The following SIM1 variants were observed in gnomAD, a reference collection of about 807,000 sequenced individuals.
The protein encoded by SIM1 is single-minded homolog 1.
A neutral mutation model predicts 78.2 loss-of-function variants in SIM1; 18 were observed. The ratio of observed to expected loss-of-function variants is 0.23; its 90% CI spans 0.16 to 0.34. The LOEUF (loss-of-function observed/expected upper bound fraction) is 0.34, where lower values mean the gene tolerates loss of function less well. Ranked by LOEUF, SIM1 falls within the 10% of genes least tolerant of loss-of-function variation. The pLI is 1.00. For missense variants in SIM1, 939 were observed against 975.1 expected, an observed-to-expected ratio of 0.96 and a Z score of 0.49; for synonymous variants, 417 against 385.2, an observed-to-expected ratio of 1.08 and a Z score of -0.97.
chr6:100,390,344 A>G lies in SIM1; in HGVS notation c.*17T>C. ...TGTTTCAGAGATCCTTAAAGAACAA[A>G]ATATTTCAGCAAAACATCAGCTTCC... On this transcript the variant is annotated 3_prime_UTR_variant, in exon 12 of 12. Coordinates refer to ENST00000369208, the MANE Select transcript of SIM1 (RefSeq NM_005068.3). 1 of 1,602,742 alleles carries G rather than the reference A, an allele frequency of 6.2e-7. No homozygotes were observed. Among genetic ancestry groups the G allele is most frequent in the Non-Finnish European group, 8.5e-7 (1 of 1,174,608 alleles).
chr6:100,443,654 T>C (rs1772274732), intron 9 of SIM1, among the ~76,000 whole-genome samples: 1 of 150,516 alleles, frequency 6.6e-6, no homozygotes, highest in African/African-American at 2.4e-5. Context: ...CTCTCAACTA[T>C]ATTTTTGCAA....
chr6:100,464,087 G>C (rs1445837117), intron 1 of SIM1, among the ~76,000 whole-genome samples, 152 bp from the exon 2 acceptor site: 1 of 152,162 alleles, frequency 6.6e-6, no homozygotes. Flanking sequence ...TAAATCGGCA[G>C]CGAGACAGCC....
chr6:100,450,385 G>GAGCCC, intron 3 of SIM1, 29 bp from the exon 4 acceptor site: 1 of 1,596,088 alleles, frequency 6.3e-7, no homozygotes, highest in Non-Finnish European at 8.6e-7. Context: ...AGAGAATAGA[G>GAGCCC]AGCCCTCTGG....
intron 9 of SIM1, among the ~76,000 whole-genome samples, chr6:100,426,621 TA>T (rs1432940338): frequency 6.6e-6 from 1 of 152,236 alleles, no homozygotes; most frequent in Non-Finnish European, 1.5e-5. Flanking sequence ...ATAGCCAAAC[TA>T]ATTTACAAAG....
chr6:100,388,529 T>C lies in SIM1; in HGVS notation c.*1832A>G, dbSNP rs929529732. On this transcript the variant is annotated 3_prime_UTR_variant, in exon 12 of 12. Coordinates refer to ENST00000369208, the MANE Select transcript of SIM1 (RefSeq NM_005068.3). ...TTATTTAATTTTATGTAGCCTCTCC[T>C]TTCATATACAAACAACCCAGTACTC... The C allele has an allele frequency of 2.6e-5, 4 of 152,216 alleles. No individual in the cohort carries two copies. The highest frequency in any genetic ancestry group is 9.6e-5 in the African/African-American group (4 of 41,458). The allele number at this position is 152,216 out of a possible 1,614,324, so 9.4% of individuals were successfully genotyped here. A position where few individuals can be genotyped will look rare whatever the true frequency, so the allele number is the denominator to read the frequency against.
chr6:100,391,183 C>G, intron 11 of SIM1, 92 bp from the exon 12 acceptor site: 4 of 1,354,652 alleles, frequency 3.0e-6, no homozygotes, highest in Non-Finnish European at 3.9e-6. Context: ...AACTTTATAT[C>G]TTTCATTTTT....
In SIM1 at chr6:100,401,492, T is replaced by C. The variant is rs181417985; in HGVS notation, c.1168-7603A>G. On this transcript the variant is annotated intron_variant, in intron 10 of 11. Coordinates refer to ENST00000369208, the MANE Select transcript of SIM1 (RefSeq NM_005068.3). ...CTGTGGTTATATAAGAGAATATTCT[T>C]GTCCTTAGGAAATACACATCGATGT... is the stretch of plus-strand genomic sequence containing the variant. Among the ~76,000 whole-genome samples, 511 of 152,212 alleles carry C rather than the reference T, an allele frequency of 3.4e-3. 2 individuals are homozygous for C. Among genetic ancestry groups the C allele is most frequent in the African/African-American group, 0.012 (500 of 41,556 alleles).
Position 100,417,209 on chromosome 6 carries a change from C to T in SIM1, c.1167+3581G>A, listed in dbSNP as rs567437056. Among the ~76,000 whole-genome samples the T allele has an allele frequency of 1.6e-4, 24 of 152,260 alleles. No homozygotes were observed. The East Asian group carries it at 1.9e-3, about 12-fold the overall frequency. ...TGCCCATATACCTGAGTTCTACCCTCGACGCTAGGTCTTTCACAACACTTT... is the reference window on the plus strand; with the variant it reads ...TGCCCATATACCTGAGTTCTACCCTTGACGCTAGGTCTTTCACAACACTTT... On this transcript the variant is annotated intron_variant, in intron 10 of 11. Transcript: ENST00000369208.
chr6:100,426,151 G>A (rs1023664393), intron 9 of SIM1, among the ~76,000 whole-genome samples: 1 of 152,192 alleles, frequency 6.6e-6, no homozygotes, highest in Non-Finnish European at 1.5e-5. Context: ...TTTGTAGAGA[G>A]CTCCACACAT....
chr6:100,463,117 A>T, intron 2 of SIM1, 177 bp downstream of exon 2: 1 of 546,108 alleles, frequency 1.8e-6, no homozygotes, highest in Non-Finnish European at 3.2e-6. Context: ...GCCTCAAAAA[A>T]GCGACAGAAA....
intron 10 of SIM1, among the ~76,000 whole-genome samples, chr6:100,409,467 G>A (rs1771138155): frequency 6.6e-6 from 1 of 151,152 alleles, no homozygotes; most frequent in African/African-American, 2.4e-5. Context: ...TGTCAATTAT[G>A]TTGATCTTCT....
At position 100,453,645 on chromosome 6, in the gene SIM1, G is replaced by T. The variant is rs532955245; in HGVS notation, c.258+117C>A. 6.4e-3 allele frequency: 4,211 copies of T among 659,974 alleles called. 24 individuals are homozygous for T. The highest frequency in any genetic ancestry group is 7.2e-3 in the Non-Finnish European group (3,029 of 422,332). 40.9% of individuals were successfully genotyped at this position (659,974 alleles called of 1,614,324 possible). On this transcript the variant is annotated intron_variant, in intron 3 of 11. Coordinates refer to ENST00000369208, the MANE Select transcript of SIM1 (RefSeq NM_005068.3). The stretch of plus-strand genomic sequence containing the variant: ...GTGCAGTCCGGATCCCTGTTTTTGT[G>T]GGGGGGGTTGTTTGTTTTTTTTTTG...
At position 100,391,774 on chromosome 6, in the gene SIM1, C is replaced by G. The variant is rs142779185; in HGVS notation, c.1571-683G>C. 2.6e-3 allele frequency among the ~76,000 whole-genome samples: 391 copies of G among 152,220 alleles called. 1 individual carries two copies. Among genetic ancestry groups the G allele is most frequent in the African/African-American group, 8.9e-3 (371 of 41,532 alleles). On this transcript the variant is annotated intron_variant, in intron 11 of 11. Transcript: ENST00000369208. ...TGAAGATTATAGATATAGATACAAT[C>G]TTGTCCAAATAAAAACATAAATATT...
intron 10 of SIM1, among the ~76,000 whole-genome samples, chr6:100,394,883 C>G (rs2114465489): frequency 6.6e-6 from 1 of 152,250 alleles, no homozygotes; most frequent in Middle Eastern, 3.4e-3. Context: ...GAAGTCTTAT[C>G]CTATATAAGA....
intron 9 of SIM1, among the ~76,000 whole-genome samples, chr6:100,429,243 G>A (rs765138012): frequency 1.3e-5 from 2 of 152,008 alleles, no homozygotes; most frequent in African/African-American, 4.8e-5. Flanking sequence ...GGTGGCACAT[G>A]CCTGTAGTCC....
chr6:100,409,743 A>G (rs1320149939), intron 10 of SIM1, among the ~76,000 whole-genome samples: 1 of 152,056 alleles, frequency 6.6e-6, no homozygotes, highest in Non-Finnish European at 1.5e-5. Context: ...ATTTTCATTC[A>G]TCTCAAGATA....
Position 100,388,294 on chromosome 6 carries a change from C to T in SIM1, c.*2067G>A, listed in dbSNP as rs1770557013. The T allele has an allele frequency of 6.6e-6, 1 of 152,136 alleles. No individual in the cohort carries two copies. Among genetic ancestry groups the T allele is most frequent in the Admixed American group, 6.6e-5 (1 of 15,264 alleles). 9.4% of individuals were successfully genotyped at this position (152,136 alleles called of 1,614,324 possible). On this transcript the variant is annotated 3_prime_UTR_variant, in exon 12 of 12. Transcript: ENST00000369208. ...TGGCGCTCACTTATACAAAACATCG[C>T]CCTCTGTATACTCAGGTTTCACATT...
chr6:100,446,344 A>G (rs1772353857), intron 9 of SIM1, among the ~76,000 whole-genome samples: 2 of 152,184 alleles, frequency 1.3e-5, no homozygotes, highest in Non-Finnish European at 2.9e-5. Context: ...GTGTGTCAAC[A>G]CTTCCAGCTT....
chr6:100,438,227 G>A (rs1772108863), intron 9 of SIM1, among the ~76,000 whole-genome samples: 1 of 152,108 alleles, frequency 6.6e-6, no homozygotes, highest in Admixed American at 6.5e-5. Context: ...CAAAGAACGA[G>A]TATTCAAAAT....
Sources: allele counts gnomAD v4.1 joint callset (sites outside exome capture counted in the v4.1 genomes callset), GRCh38; gene constraint gnomAD v4.1.1; transcripts MANE v1.5; gene names NCBI Gene and HGNC (gene_info 2026-07-23, HGNC 2026-07-21).